RBFOX1: variants seen among roughly 807,000 people sequenced by gnomAD.
The protein encoded by RBFOX1 is RNA binding fox-1 homolog 1, also known as RNA binding protein fox-1 homolog 1.
A neutral mutation model predicts 57.7 loss-of-function variants in RBFOX1; 8 were observed. That is an observed-to-expected ratio of 0.14 (90% CI 0.08 to 0.25). The LOEUF is 0.25. Ranked by LOEUF, RBFOX1 falls within the 10% of genes least tolerant of loss-of-function variation. The pLI, the probability that RBFOX1 is intolerant of heterozygous loss-of-function variation, is 1.00. For missense variants in RBFOX1, 611 were observed against 548.5 expected (o/e 1.11, Z -1.14); for synonymous variants, 326 against 222.4 (o/e 1.47, Z -4.15).
chr16:7,639,373 G>A (rs1296313534), intron 11 of RBFOX1, among the ~76,000 whole-genome samples: 1 of 152,170 alleles, frequency 6.6e-6, no homozygotes, highest in Non-Finnish European at 1.5e-5. Context: ...GCATTACGGT[G>A]GCAGCCTACC....
intron 14 of RBFOX1, among the ~76,000 whole-genome samples, chr16:7,685,968 C>T (rs765854359): frequency 3.9e-5 from 6 of 152,022 alleles, no homozygotes; most frequent in East Asian, 1.9e-4. Flanking sequence ...ACTTACTACA[C>T]GAGATAATTT....
chr16:6,548,423 G>A (rs1414482154), intron 2 of RBFOX1, among the ~76,000 whole-genome samples: 1 of 152,130 alleles, frequency 6.6e-6, no homozygotes, highest in South Asian at 2.1e-4. Flanking sequence ...GTTTTGTTAT[G>A]AGAAGGGAAG....
intron 4 of RBFOX1, among the ~76,000 whole-genome samples, chr16:7,437,591 C>G (rs7198182): frequency 0.013 from 1,971 of 152,154 alleles, 36 homozygotes; most frequent in African/African-American, 0.044. Context: ...AAACTGCTCC[C>G]CGGCAACATA....
intron 4 of RBFOX1, among the ~76,000 whole-genome samples, chr16:7,185,095 A>G (rs1228409951): frequency 2.6e-5 from 4 of 152,176 alleles, no homozygotes; most frequent in East Asian, 1.9e-4. Flanking sequence ...CAATATATCT[A>G]TTTAAACCAC....
chr16:7,286,616 ATTTTTT>A (rs61621368), intron 4 of RBFOX1, among the ~76,000 whole-genome samples: 2 of 90,910 alleles, frequency 2.2e-5, no homozygotes, highest in African/African-American at 9.2e-5. Context: ...GGACTGGCTA[ATTTTTT>A]TTTTTTTTTT....
intron 3 of RBFOX1, among the ~76,000 whole-genome samples, chr16:6,853,564 G>C (rs1247275227): frequency 2.0e-5 from 3 of 152,088 alleles, no homozygotes; most frequent in African/African-American, 7.2e-5. Context: ...ATGAGTGATT[G>C]AGGGAGGTTA....
At chr16:6,773,021 T>A (rs1269485408) in intron 3 of RBFOX1, among the ~76,000 whole-genome samples, 2 of 135,560 alleles carry the variant, frequency 1.5e-5, no homozygotes, top group Non-Finnish European at 3.1e-5. Flanking sequence ...TGTGTGTGAT[T>A]GTATTTGTGG....
chr16:6,658,642 A>T (rs1205827019), intron 3 of RBFOX1, among the ~76,000 whole-genome samples: 1 of 152,190 alleles, frequency 6.6e-6, no homozygotes, highest in Non-Finnish European at 1.5e-5. Flanking sequence ...TTATCCCAGA[A>T]GCCTATTTTC....
chr16:5,968,766 C>G (rs1449251747), intron 4 of RBFOX1, among the ~76,000 whole-genome samples: 1 of 152,044 alleles, frequency 6.6e-6, no homozygotes, highest in Admixed American at 6.5e-5. Context: ...TTGGGAAAGT[C>G]TCTTTGAAAT....
intron 14 of RBFOX1, among the ~76,000 whole-genome samples, chr16:7,698,514 T>C (rs368026761): frequency 1.3e-5 from 2 of 152,224 alleles, no homozygotes; most frequent in East Asian, 1.9e-4. Context: ...TTCATTTTTC[T>C]ATCCCCACTT....
chr16:6,867,023 A>AAACAAAACTT (rs2060058143), intron 3 of RBFOX1, among the ~76,000 whole-genome samples: 1 of 151,498 alleles, frequency 6.6e-6, no homozygotes, highest in South Asian at 2.1e-4. Flanking sequence ...CTTTAAAAAA[A>AAACAAAACTT]AAAAAAAAAA....
intron 3 of RBFOX1, among the ~76,000 whole-genome samples, chr16:6,910,454 C>T (rs1448134946): frequency 6.6e-6 from 1 of 152,222 alleles, no homozygotes; most frequent in Non-Finnish European, 1.5e-5. Flanking sequence ...AAATCAAGGA[C>T]TTGGCTCTGT....
intron 14 of RBFOX1, among the ~76,000 whole-genome samples, chr16:7,700,618 G>A (rs927909388): frequency 6.6e-6 from 1 of 152,170 alleles, no homozygotes; most frequent in African/African-American, 2.4e-5. Context: ...GACAAACAAA[G>A]GAGAAATGAA....
chr16:5,501,114 G>C (rs995106983), intron 2 of RBFOX1, among the ~76,000 whole-genome samples: 2 of 152,030 alleles, frequency 1.3e-5, no homozygotes, highest in Non-Finnish European at 1.5e-5. Context: ...TCAGGAGTTT[G>C]AGACCAGCTT....
rs139535602 is a variant in RBFOX1, at chr16:6,239,533, C to G, written c.-126-77462C>G. ...TTTTTTTCTGAGATAGAGTCTTGCT[C>G]TTTCACCCAGGCTGGAGTGCAGTGG... On this transcript the variant is annotated intron_variant, in intron 1 of 15. Transcript: ENST00000550418. Among the ~76,000 whole-genome samples, 1,034 of 106,796 alleles carry G rather than the reference C, an allele frequency of 9.7e-3. 17 individuals carry two copies. Among genetic ancestry groups the G allele is most frequent in the Middle Eastern group, 0.053 (5 of 94 alleles). The allele number at this position is 106,796 out of a possible 152,430, so 70.1% of individuals were successfully genotyped here.
chr16:5,445,479 T>C (rs1418168219), intron 1 of RBFOX1, among the ~76,000 whole-genome samples: 1 of 152,202 alleles, frequency 6.6e-6, no homozygotes, highest in African/African-American at 2.4e-5. Flanking sequence ...GTGATATTTG[T>C]TGGATAAACA....
chr16:6,858,048 C>T (rs2058232030), intron 3 of RBFOX1, among the ~76,000 whole-genome samples: 1 of 152,140 alleles, frequency 6.6e-6, no homozygotes, highest in Non-Finnish European at 1.5e-5. Context: ...AAATGTTCAT[C>T]CCAAGAATGG....
intron 2 of RBFOX1, among the ~76,000 whole-genome samples, chr16:6,426,918 G>A (rs924293337): frequency 2.0e-5 from 3 of 152,062 alleles, no homozygotes; most frequent in African/African-American, 7.2e-5. Context: ...GAGTCCTTTC[G>A]TTAATGTCCT....
intron 1 of RBFOX1, among the ~76,000 whole-genome samples, chr16:6,291,317 G>T (rs1374283039): frequency 6.6e-6 from 1 of 152,180 alleles, no homozygotes; most frequent in East Asian, 1.9e-4. Flanking sequence ...GAGTTGCTCT[G>T]ATTCAAACAC....
Sources: allele counts gnomAD v4.1 joint callset (sites outside exome capture counted in the v4.1 genomes callset), GRCh38; gene constraint gnomAD v4.1.1; transcripts MANE v1.5; gene names NCBI Gene and HGNC (gene_info 2026-07-23, HGNC 2026-07-21).